SMPD3: variants seen among roughly 807,000 people sequenced by gnomAD.
The protein encoded by SMPD3 is sphingomyelin phosphodiesterase 3.
Under a neutral mutation model 55.7 loss-of-function variants are expected in SMPD3, and 21 were observed. The ratio of observed to expected loss-of-function variants is 0.38; its 90% CI spans 0.27 to 0.54. The LOEUF is 0.54. Ranked by LOEUF, SMPD3 falls within the 20% of genes least tolerant of loss-of-function variation. The pLI is 0.80. For synonymous variants in SMPD3, 457 were observed against 404.3 expected (o/e 1.13, Z -1.56); for missense variants, 842 against 899.6 (o/e 0.94, Z 0.82).
chr16:68,361,669 C>T lies in SMPD3; in HGVS notation c.1800G>A (p.Lys600=), dbSNP rs766652026. The change falls in exon 8 of 9, where the codon AAG becomes AAA. Residue 600 remains lysine, a synonymous_variant. Coordinates refer to ENST00000219334, the MANE Select transcript of SMPD3 (RefSeq NM_018667.4). ...TGTAGTCGATGCGCCGGCCGTTGCC[C>T]TTCAGCAGCTCCTTCCGCCCCTTCT... ...SGQKGRKELL[K]GNGRRIDYML... The T allele has an allele frequency of 2.5e-6, 4 of 1,612,752 alleles. No individual in the cohort carries two copies. The East Asian group carries it at 6.7e-5, about 27-fold the overall frequency.
chr16:68,364,659 C>T, intron 5 of SMPD3, 92 bp downstream of exon 5: 1 of 1,420,130 alleles, frequency 7.0e-7, no homozygotes, highest in South Asian at 1.4e-5. Context: ...AGCAGGAATT[C>T]TTTGAGCTGC....
chr16:68,409,560 A>G (rs761426801), intron 1 of SMPD3, among the ~76,000 whole-genome samples: 4 of 152,214 alleles, frequency 2.6e-5, no homozygotes, highest in Non-Finnish European at 5.9e-5. Context: ...ATCCTGTCCC[A>G]GTGCCCGACT....
At chr16:68,385,395 A>T (rs8059916) in intron 2 of SMPD3, among the ~76,000 whole-genome samples, 44,215 of 151,928 alleles carry the variant, frequency 0.29, 7,695 homozygotes, top group African/African-American at 0.48. Context: ...CTTCTTGTCG[A>T]TCCCCCTCGA....
At chr16:68,405,893 C>T (rs556024253) in intron 1 of SMPD3, among the ~76,000 whole-genome samples, 26 of 152,170 alleles carry the variant, frequency 1.7e-4, no homozygotes, top group Non-Finnish European at 2.6e-4. Flanking sequence ...CCAGAGCTGT[C>T]GTCCGCCCTT....
intron 1 of SMPD3, among the ~76,000 whole-genome samples, chr16:68,422,442 G>C (rs1477899711): frequency 7.2e-5 from 11 of 152,318 alleles, no homozygotes; most frequent in Non-Finnish European, 1.5e-4. Context: ...TAAGGCCCCT[G>C]AGCAAGAAGC....
intron 1 of SMPD3, among the ~76,000 whole-genome samples, chr16:68,422,864 C>T (rs1221908635): frequency 6.6e-6 from 1 of 152,158 alleles, no homozygotes; most frequent in East Asian, 1.9e-4. Flanking sequence ...GTGAGGATCT[C>T]TGAGGTCCTT....
chr16:68,376,587 G>A (rs773004809), intron 2 of SMPD3, among the ~76,000 whole-genome samples: 1 of 152,212 alleles, frequency 6.6e-6, no homozygotes, highest in African/African-American at 2.4e-5. Context: ...TCCCCTTTGC[G>A]AATCCTGGTA....
At position 68,364,971 on chromosome 16, in the gene SMPD3, C is replaced by G. The variant is rs1047487220; in HGVS notation, c.1399+46G>C. The G allele has an allele frequency of 2.2e-5, 35 of 1,613,828 alleles. 1 individual carries two copies. In the Admixed American group the frequency reaches 5.7e-4, roughly 26 times the overall value. On this transcript the variant is annotated intron_variant, in intron 4 of 8. Transcript: ENST00000219334. ...CCCCAGACCCCAGCTAGGCCCCAGG[C>G]ACTGATCCCATGCCTAGAAAAAACA...
In SMPD3 at chr16:68,372,356, T is replaced by G; in HGVS notation, c.-175A>C. ...GTTGGCCAGCCGGTCATGGTTCACC[T>G]CGGTGGGCCATGCGGAGGCCTACTG... On this transcript the variant is annotated 5_prime_UTR_variant, in exon 3 of 9. Transcript: ENST00000219334. 4.9e-6 allele frequency: 4 copies of G among 819,400 alleles called. No individual in the cohort carries two copies. The highest frequency in any genetic ancestry group is 7.7e-6 in the Non-Finnish European group (4 of 520,488). 50.8% of individuals were successfully genotyped at this position (819,400 alleles called of 1,614,324 possible).
intron 1 of SMPD3, among the ~76,000 whole-genome samples, chr16:68,440,308 C>T (rs904233949): frequency 6.6e-6 from 1 of 152,138 alleles, no homozygotes; most frequent in African/African-American, 2.4e-5. Context: ...GTGATCCTCC[C>T]ACCTCAGCCT....
chr16:68,428,215 C>T lies in SMPD3; in HGVS notation c.-269+20138G>A, dbSNP rs77891240. On this transcript the variant is annotated intron_variant, in intron 1 of 8. Coordinates refer to ENST00000219334, the MANE Select transcript of SMPD3 (RefSeq NM_018667.4). ...GACCCAAGATTTTCCAGCTCAAAGG[C>T]CCTGTGAGCATCTCCCAAGAAGATA... Among the ~76,000 whole-genome samples the T allele has an allele frequency of 5.4e-3, 826 of 152,276 alleles. 3 individuals carry two copies. The highest frequency in any genetic ancestry group is 0.019 in the African/African-American group (788 of 41,558).
At chr16:68,392,642 A>G (rs60919912) in intron 1 of SMPD3, among the ~76,000 whole-genome samples, 9,297 of 151,922 alleles carry the variant, frequency 0.061, 907 homozygotes, top group African/African-American at 0.2. Flanking sequence ...TAGGAGGATC[A>G]CCTGAGGCCA....
chr16:68,439,383 C>G (rs754163275), intron 1 of SMPD3, among the ~76,000 whole-genome samples: 2 of 152,216 alleles, frequency 1.3e-5, no homozygotes, highest in Admixed American at 6.5e-5. Flanking sequence ...CAAAACACCC[C>G]ACTCTAGCTA....
At chr16:68,377,984 C>G (rs2089861398) in intron 2 of SMPD3, among the ~76,000 whole-genome samples, 1 of 152,156 alleles carries the variant, frequency 6.6e-6, no homozygotes, top group African/African-American at 2.4e-5. Flanking sequence ...TGGGAGTTGC[C>G]CCACTTTGGC....
chr16:68,363,629 T>C, intron 6 of SMPD3, 70 bp from the exon 7 acceptor site: 1 of 1,484,872 alleles, frequency 6.7e-7, no homozygotes, highest in Middle Eastern at 2.0e-4. Context: ...GGGTGGCCTC[T>C]GTGGGTGGAC....
intron 2 of SMPD3, among the ~76,000 whole-genome samples, chr16:68,376,273 G>A (rs1029645263): frequency 1.3e-5 from 2 of 152,230 alleles, no homozygotes; most frequent in South Asian, 2.1e-4. Flanking sequence ...GGCCTGCTGC[G>A]TGGTGGTGCT....
intron 1 of SMPD3, among the ~76,000 whole-genome samples, chr16:68,399,329 G>A (rs2090187255): frequency 6.6e-6 from 1 of 152,212 alleles, no homozygotes; most frequent in African/African-American, 2.4e-5. Flanking sequence ...GAGGTGAGAA[G>A]GAGGAGCCAC....
chr16:68,443,945 C>G (rs1217131629), intron 1 of SMPD3, among the ~76,000 whole-genome samples: 1 of 152,166 alleles, frequency 6.6e-6, no homozygotes, highest in Non-Finnish European at 1.5e-5. Flanking sequence ...GTTTCCTCAC[C>G]TTGAAAGTGG....
intron 2 of SMPD3, among the ~76,000 whole-genome samples, chr16:68,375,501 C>T (rs2089788409): frequency 6.6e-6 from 1 of 152,216 alleles, no homozygotes; most frequent in Non-Finnish European, 1.5e-5. Flanking sequence ...AGACTCACTT[C>T]ATCAAAGGGT....
Sources: gnomAD v4.1 joint callset for allele counts (sites outside exome capture counted in the v4.1 genomes callset) on GRCh38, gnomAD v4.1.1 for gene constraint, MANE v1.5 for transcripts, NCBI Gene and HGNC (gene_info 2026-07-23, HGNC 2026-07-21) for gene names.